The following NMNAT3 variants were observed in gnomAD, a reference collection of about 807,000 sequenced individuals.
The protein encoded by NMNAT3 is nicotinamide/nicotinic acid mononucleotide adenylyltransferase 3.
NMNAT3 carries 21 observed loss-of-function variants against 24.8 expected under a neutral mutation model. The observed-to-expected ratio is 0.85, with a 90% CI of 0.60 to 1.22. NMNAT3 has a LOEUF of 1.22. Ranked by LOEUF, NMNAT3 falls within the 50% of genes most tolerant of loss-of-function variation. The pLI is 0.00. For synonymous variants in NMNAT3, 136 were observed against 155.2 expected (o/e 0.88, Z 0.92); for missense variants, 387 against 436.6 (o/e 0.89, Z 1.01).
chr3:139,575,918 T>G, intron 5 of NMNAT3: 1 of 1,286,708 alleles, frequency 7.8e-7, no homozygotes, highest in Non-Finnish European at 1.0e-6. Flanking sequence ...GCTTCAGAGC[T>G]CCACAGATGG....
rs1351971898 is a variant in NMNAT3, at chr3:139,677,778, G to C, written c.-214C>G. ...TGCGGGGGACTAGGGGACCTGCTGGGCCTAGCAGGGGCTGTCGGTCAGCGC... is the reference window on the plus strand; with the variant it reads ...TGCGGGGGACTAGGGGACCTGCTGGCCCTAGCAGGGGCTGTCGGTCAGCGC... On this transcript the variant is annotated 5_prime_UTR_variant, in exon 1 of 7. Transcript: ENST00000643695. The C allele has an allele frequency of 6.6e-6, 1 of 152,428 alleles. No individual in the cohort carries two copies. Among genetic ancestry groups the C allele is most frequent in the African/African-American group, 2.4e-5 (1 of 41,472 alleles). 9.4% of individuals were successfully genotyped at this position (152,428 alleles called of 1,614,324 possible).
chr3:139,653,075 G>A (rs575976112), intron 1 of NMNAT3, among the ~76,000 whole-genome samples: 1 of 152,142 alleles, frequency 6.6e-6, no homozygotes, highest in Non-Finnish European at 1.5e-5. Flanking sequence ...CGGGGGCAGG[G>A]GTGTTGGTGG....
intron 5 of NMNAT3, chr3:139,576,298 T>C (rs1939301196): frequency 1.1e-6 from 1 of 948,276 alleles, no homozygotes; most frequent in Middle Eastern, 5.4e-4. Context: ...CAAATGCAGT[T>C]GGTACATTTT....
chr3:139,562,636 A>T (rs1295488867), intron 6 of NMNAT3, among the ~76,000 whole-genome samples: 1 of 152,200 alleles, frequency 6.6e-6, no homozygotes, highest in East Asian at 1.9e-4. Context: ...TGGACCAGAG[A>T]GATGAGTTCA....
At position 139,565,437 on chromosome 3, in the gene NMNAT3, A is replaced by G. The variant is rs980171322; in HGVS notation, c.659-4045T>C. The G allele has an allele frequency of 5.9e-5, 9 of 152,104 alleles. No individual in the cohort carries two copies. In the South Asian group the frequency reaches 8.3e-4, roughly 14 times the overall value. 9.4% of individuals were successfully genotyped at this position (152,104 alleles called of 1,614,324 possible). ...GCAGGTTTGTTACATACGTATACAT[A>G]TGCCATGTTGGTGTGCTGCACCCAT... On this transcript the variant is annotated intron_variant, in intron 6 of 6. Transcript: ENST00000643695.
chr3:139,590,900 C>T (rs2054132152), intron 3 of NMNAT3, among the ~76,000 whole-genome samples: 1 of 152,102 alleles, frequency 6.6e-6, no homozygotes, highest in Admixed American at 6.5e-5. Flanking sequence ...GAAAACATCA[C>T]TTTTAATAGC....
intron 3 of NMNAT3, among the ~76,000 whole-genome samples, chr3:139,608,901 C>G (rs2055064947): frequency 6.6e-6 from 1 of 152,226 alleles, no homozygotes. Flanking sequence ...TCCTGTCTCC[C>G]AAACTCCATC....
At chr3:139,601,138 G>A (rs1319950424) in intron 3 of NMNAT3, among the ~76,000 whole-genome samples, 1 of 152,194 alleles carries the variant, frequency 6.6e-6, no homozygotes, top group African/African-American at 2.4e-5. Flanking sequence ...TCCTGCTGAA[G>A]GCAAGCTGCT....
intron 1 of NMNAT3, among the ~76,000 whole-genome samples, chr3:139,642,081 C>G (rs879581164): frequency 2.1e-4 from 32 of 152,304 alleles, no homozygotes; most frequent in Non-Finnish European, 4.6e-4. Flanking sequence ...TCTTTCCCTC[C>G]CTCCCCTGGA....
chr3:139,588,914 C>A (rs1344673869), intron 3 of NMNAT3, among the ~76,000 whole-genome samples: 1 of 152,204 alleles, frequency 6.6e-6, no homozygotes, highest in Non-Finnish European at 1.5e-5. Flanking sequence ...CACCTACACA[C>A]ATTTGGGGGT....
At chr3:139,641,474 G>C (rs914313853) in intron 1 of NMNAT3, among the ~76,000 whole-genome samples, 2 of 152,162 alleles carry the variant, frequency 1.3e-5, no homozygotes, top group African/African-American at 4.8e-5. Context: ...AGGAAAGCAA[G>C]GGCCTGGCCC....
intron 3 of NMNAT3, among the ~76,000 whole-genome samples, chr3:139,627,044 T>C (rs1323774813): frequency 2.6e-5 from 4 of 152,202 alleles, no homozygotes; most frequent in African/African-American, 7.2e-5. Flanking sequence ...ACTCCTTTAA[T>C]AATGAAATAG....
chr3:139,563,914 G>A (rs908265789), intron 6 of NMNAT3, among the ~76,000 whole-genome samples: 4 of 152,098 alleles, frequency 2.6e-5, no homozygotes, highest in African/African-American at 9.7e-5. Flanking sequence ...AGGCATTCTG[G>A]GGGCAGTGTG....
chr3:139,611,337 A>G (rs187785505), intron 3 of NMNAT3, among the ~76,000 whole-genome samples: 2 of 152,312 alleles, frequency 1.3e-5, no homozygotes, highest in East Asian at 3.9e-4. Context: ...CCAAACATAT[A>G]TTGCATGGGC....
chr3:139,643,636 G>T (rs1252747022), intron 1 of NMNAT3, among the ~76,000 whole-genome samples: 1 of 152,086 alleles, frequency 6.6e-6, no homozygotes, highest in Non-Finnish European at 1.5e-5. Context: ...AGTCACAAAA[G>T]AACAACTATT....
intron 3 of NMNAT3, among the ~76,000 whole-genome samples, chr3:139,585,181 G>C (rs2053882286): frequency 6.6e-6 from 1 of 152,120 alleles, no homozygotes; most frequent in Non-Finnish European, 1.5e-5. Context: ...GGCAATTGTG[G>C]GGTGTTGAAA....
chr3:139,628,081 C>G (rs2056136541), intron 2 of NMNAT3, among the ~76,000 whole-genome samples: 1 of 152,170 alleles, frequency 6.6e-6, no homozygotes, highest in Admixed American at 6.5e-5. Flanking sequence ...TTCTGAACCT[C>G]TATATCCTCC....
chr3:139,572,307 T>G lies in NMNAT3; in HGVS notation c.658+1291A>C. On this transcript the variant is annotated intron_variant, in intron 6 of 6. Coordinates refer to ENST00000643695, the MANE Select transcript of NMNAT3 (RefSeq NM_001320510.2). Reference sequence around the variant, plus strand: ...TACTGGGCACTGTGCTTATCGGGGATGGGTGGGAAGGAGCCCATGCAGGTA... The same window carrying G: ...TACTGGGCACTGTGCTTATCGGGGAGGGGTGGGAAGGAGCCCATGCAGGTA... 3 of 397,666 alleles carry G rather than the reference T, an allele frequency of 7.5e-6. No homozygotes were observed. In the East Asian group the frequency reaches 1.1e-4, roughly 14 times the overall value. 24.6% of individuals were successfully genotyped at this position (397,666 alleles called of 1,614,324 possible).
chr3:139,655,404 C>T (rs572316439), intron 1 of NMNAT3, among the ~76,000 whole-genome samples: 27 of 152,300 alleles, frequency 1.8e-4, no homozygotes, highest in South Asian at 1.2e-3. Flanking sequence ...ACAACAGCAA[C>T]GTAAAAGCCT....
Sources: allele counts gnomAD v4.1 joint callset (sites outside exome capture counted in the v4.1 genomes callset), GRCh38; gene constraint gnomAD v4.1.1; transcripts MANE v1.5; gene names NCBI Gene and HGNC (gene_info 2026-07-23, HGNC 2026-07-21).